Variants in TIGIT observed in about 807,000 individuals in gnomAD.
TIGIT encodes T cell immunoreceptor with Ig and ITIM domains, also known as T-cell immunoreceptor with Ig and ITIM domains.
In TIGIT, 11 loss-of-function variants were observed where a neutral mutation model predicts 19.6. The observed-to-expected ratio is 0.56, with a 90% confidence interval of 0.35 to 0.93. The LOEUF is 0.93. Among genes scored for constraint, TIGIT ranks in the 40% least tolerant of loss-of-function variants. The pLI, the probability that TIGIT is intolerant of heterozygous loss-of-function variation, is 0.01. For missense variants in TIGIT, 295 were observed against 303.9 expected, an observed-to-expected ratio of 0.97 and a Z score of 0.22; for synonymous variants, 130 against 125.5, an observed-to-expected ratio of 1.04 and a Z score of -0.24.
rs2078438130 is a variant in TIGIT at position 114,294,101 on chromosome 3, A to G, written c.40A>G (p.Arg14Gly). 2 of 1,555,220 alleles carry G rather than the reference A, an allele frequency of 1.3e-6. No homozygotes were observed. Among genetic ancestry groups the G allele is most frequent in the Non-Finnish European group, 1.7e-6 (2 of 1,148,356 alleles). The part of the protein sequence containing the change: ...CLLLIWAQGL[R>G]QAPLASGMMT... ...CCTCCTGATCTGGGCCCAGGGGCTG[A>G]GGCAGGCTCCCCTCGCCTCAGGTAA... Residue 14 changes from arginine to glycine, a missense_variant, in exon 1 of 4, where the codon AGG (arginine) becomes GGG (glycine). Coordinates refer to ENST00000383671, the MANE Select transcript of TIGIT (RefSeq NM_173799.4).
At chr3:114,305,335 C>A (rs770529611) in intron 3 of TIGIT, among the ~76,000 whole-genome samples, 2 of 152,180 alleles carry the variant, frequency 1.3e-5, no homozygotes, top group Non-Finnish European at 2.9e-5. Context: ...TTACAGGCTG[C>A]CTTCTAGGAC....
chr3:114,294,689 A>T (rs1480136651), intron 1 of TIGIT, among the ~76,000 whole-genome samples: 1 of 152,140 alleles, frequency 6.6e-6, no homozygotes, highest in Admixed American at 6.5e-5. Flanking sequence ...CTATCTGAGG[A>T]TGGAGATGTG....
In TIGIT at chr3:114,308,035, G is replaced by T. The variant is rs760660502; in HGVS notation, c.639G>T (p.Glu213Asp). The T allele has an allele frequency of 1.2e-6, 2 of 1,614,080 alleles. No individual in the cohort carries two copies. The highest frequency in any genetic ancestry group is 2.7e-5 in the African/African-American group (2 of 74,926). Residue 213 changes from glutamate to aspartate, a missense_variant, in exon 4 of 4, where the codon GAG becomes GAT. Physicochemically the swap from Glu to Asp is conservative, Grantham distance 45 (BLOSUM62 2). Transcript: ENST00000383671. The part of the protein sequence containing the change: ...AEAAPAGLCG[E>D]QRGEDCAELH... ...CTGCACCTGCTGGGCTCTGTGGAGA[G>T]CAGCGGGGAGAGGACTGTGCCGAGC...
chr3:114,303,589 AT>A, intron 3 of TIGIT, among the ~76,000 whole-genome samples: 2 of 10,682 alleles, frequency 1.9e-4, no homozygotes, highest in Non-Finnish European at 4.0e-4. Flanking sequence ...ATATATATAC[AT>A]ATATATGTAT....
chr3:114,307,674 G>T lies in TIGIT; in HGVS notation c.499-221G>T, dbSNP rs75263039. ...GTGAACAGGAAGTAACAAGGTGTGT[G>T]GCACGTGGTATATGTAGTAAGTGCA... On this transcript the variant is annotated intron_variant, in intron 3 of 3. Coordinates refer to ENST00000383671, the MANE Select transcript of TIGIT (RefSeq NM_173799.4). 2.5e-3 allele frequency: 1,354 copies of T among 551,364 alleles called. 18 individuals are homozygous for T. The highest frequency in any genetic ancestry group is 0.022 in the African/African-American group (1,169 of 53,040). The allele number at this position is 551,364 out of a possible 1,614,324, so 34.2% of individuals were successfully genotyped here. A position where few individuals can be genotyped will look rare whatever the true frequency, so the allele number is the denominator to read the frequency against.
rs557425335 is a variant in TIGIT, at chr3:114,307,272, C to T, written c.499-623C>T. Among the ~76,000 whole-genome samples, 75 of 152,238 alleles carry T rather than the reference C, an allele frequency of 4.9e-4. 1 individual carries two copies. Among genetic ancestry groups the T allele is most frequent in the Middle Eastern group, 3.4e-3 (1 of 294 alleles). On this transcript the variant is annotated intron_variant, in intron 3 of 3. Transcript: ENST00000383671. ...ATGATGCCCAGTGGACAGGTGGACA[C>T]CTGCATCTGGAGCTCAGGGCAGAAG...
chr3:114,295,929 G>A (rs2078451036), intron 2 of TIGIT, 55 bp downstream of exon 2: 1 of 1,422,452 alleles, frequency 7.0e-7, no homozygotes, highest in East Asian at 2.3e-5. Flanking sequence ...CATAGAAAAT[G>A]CAATCCTGAA....
rs2078554385 is a variant in TIGIT, at chr3:114,309,017, G to A, written c.*886G>A. ...GGCCTGTAGCCTCTTCCGGCCGTGT[G>A]TGCTGGGGAAGCCCCAGGAAACGCA... On this transcript the variant is annotated 3_prime_UTR_variant, in exon 4 of 4. Coordinates refer to ENST00000383671, the MANE Select transcript of TIGIT (RefSeq NM_173799.4). The A allele has an allele frequency of 1.3e-5, 2 of 152,286 alleles. No individual in the cohort carries two copies. Among genetic ancestry groups the A allele is most frequent in the South Asian group, 4.1e-4 (2 of 4,826 alleles). 9.4% of individuals were successfully genotyped at this position (152,286 alleles called of 1,614,324 possible).
At chr3:114,299,752 C>A in intron 3 of TIGIT, 49 bp downstream of exon 3, 1 of 1,274,186 alleles carries the variant, frequency 7.8e-7, no homozygotes, top group Non-Finnish European at 1.1e-6. Context: ...CCACGTCTGG[C>A]ACCCGGGTCC....
intron 3 of TIGIT, 76 bp from the exon 4 acceptor site, chr3:114,307,819 G>C (rs1270592317): frequency 7.6e-7 from 1 of 1,319,922 alleles, no homozygotes; most frequent in African/African-American, 1.4e-5. Context: ...AAGAAAGGAA[G>C]AGAGAGATGT....
At chr3:114,295,334 G>A (rs2078446294) in intron 1 of TIGIT, among the ~76,000 whole-genome samples, 3 of 152,170 alleles carry the variant, frequency 2.0e-5, no homozygotes, top group Admixed American at 6.5e-5. Context: ...GGGGGACTGG[G>A]AGCCTTGAAT....
rs142223124 is a variant in TIGIT at position 114,301,464 on chromosome 3, G to A, written c.498+1761G>A. On this transcript the variant is annotated intron_variant, in intron 3 of 3. Transcript: ENST00000383671. ...AGGACAAGAGAAATGATTGAATAGAGGGGGGAGGTGAAGAAGATGAAAGTT... is the reference window on the plus strand; with the variant it reads ...AGGACAAGAGAAATGATTGAATAGAAGGGGGAGGTGAAGAAGATGAAAGTT... Among the ~76,000 whole-genome samples, 1,159 of 152,302 alleles carry A rather than the reference G, an allele frequency of 7.6e-3. 11 individuals carry two copies. The highest frequency in any genetic ancestry group is 0.027 in the African/African-American group (1,103 of 41,558).
chr3:114,306,442 C>A (rs2078535942), intron 3 of TIGIT, among the ~76,000 whole-genome samples: 1 of 152,126 alleles, frequency 6.6e-6, no homozygotes, highest in African/African-American at 2.4e-5. Context: ...TCACTACAGA[C>A]CTTGAGAGCC....
intron 2 of TIGIT, among the ~76,000 whole-genome samples, chr3:114,298,671 C>T (rs997647142): frequency 6.6e-6 from 1 of 152,216 alleles, no homozygotes; most frequent in African/African-American, 2.4e-5. Context: ...GCAGGAGGAA[C>T]ATGTTCTGGG....
chr3:114,294,541 A>C (rs958945520), intron 1 of TIGIT, among the ~76,000 whole-genome samples: 1 of 152,240 alleles, frequency 6.6e-6, no homozygotes, highest in African/African-American at 2.4e-5. Context: ...CAGATTCCAG[A>C]GGTTCTACCA....
In TIGIT at chr3:114,303,529, GTATATATATACACATATA is replaced by G. The variant is rs2078507074; in HGVS notation, c.498+3830_498+3847del. Among the ~76,000 whole-genome samples, 17 of 9,608 alleles carry G rather than the reference GTATATATATACACATATA, an allele frequency of 1.8e-3. No homozygotes were observed. In the East Asian group the frequency reaches 0.17, roughly 98 times the overall value. The allele number at this position is 9,608 out of a possible 152,430, so 6.3% of individuals were successfully genotyped here. A position where few individuals can be genotyped will look rare whatever the true frequency, so the allele number is the denominator to read the frequency against. On this transcript the variant is annotated intron_variant, in intron 3 of 3. Coordinates refer to ENST00000383671, the MANE Select transcript of TIGIT (RefSeq NM_173799.4). ...TGTATATATATATACACATATATATGTATATATATACACATATATATGTATATATATATACATATATAT... is the reference window on the plus strand; with the variant it reads ...TGTATATATATATACACATATATATGTATGTATATATATATACATATATAT...
At chr3:114,300,626 G>A (rs189951267) in intron 3 of TIGIT, among the ~76,000 whole-genome samples, 13 of 152,256 alleles carry the variant, frequency 8.5e-5, no homozygotes, top group African/African-American at 3.1e-4. Flanking sequence ...CAATTATTGG[G>A]AAATTTATAA....
intron 3 of TIGIT, among the ~76,000 whole-genome samples, chr3:114,302,255 G>A (rs1170494362): frequency 6.6e-6 from 1 of 152,198 alleles, no homozygotes; most frequent in Non-Finnish European, 1.5e-5. Flanking sequence ...ACTCATTGAT[G>A]TAGTACATTT....
chr3:114,296,205 T>A (rs1341061065), intron 2 of TIGIT, among the ~76,000 whole-genome samples: 1 of 152,234 alleles, frequency 6.6e-6, no homozygotes, highest in African/African-American at 2.4e-5. Flanking sequence ...AAGTTCCCAT[T>A]TATTGGTTTA....
Sources: allele counts gnomAD v4.1 joint callset (sites outside exome capture counted in the v4.1 genomes callset), GRCh38; gene constraint gnomAD v4.1.1; transcripts MANE v1.5; gene names NCBI Gene and HGNC (gene_info 2026-07-23, HGNC 2026-07-21).